The following THADA variants were observed in gnomAD, a reference collection of about 807,000 sequenced individuals.
THADA encodes the protein THADA armadillo repeat containing.
Under a neutral mutation model 219.8 loss-of-function variants are expected in THADA, and 213 were observed. The ratio of observed to expected loss-of-function variants is 0.97; its 90% CI spans 0.87 to 1.09. THADA has a LOEUF of 1.09. THADA is among the 50% of genes least tolerant of loss of function. THADA has a pLI of 0.00. For synonymous variants in THADA, 1,018 were observed against 828.9 expected (o/e 1.23, Z -3.92); for missense variants, 2,956 against 2,311.3 (o/e 1.28, Z -5.72).
chr2:43,437,412 C>A (rs972170407), intron 26 of THADA, among the ~76,000 whole-genome samples: 5 of 152,148 alleles, frequency 3.3e-5, no homozygotes, highest in African/African-American at 9.7e-5. Context: ...GGGATTTGTA[C>A]AAGTGATTGG....
intron 30 of THADA, among the ~76,000 whole-genome samples, chr2:43,322,755 G>C (rs1234345833): frequency 2.6e-5 from 3 of 115,290 alleles, no homozygotes; most frequent in African/African-American, 1.0e-4. Context: ...GTGCGATCTT[G>C]GCTCACTGCA....
intron 20 of THADA, among the ~76,000 whole-genome samples, chr2:43,547,914 G>A (rs540285029): frequency 6.6e-6 from 1 of 152,340 alleles, no homozygotes; most frequent in Non-Finnish European, 1.5e-5. Context: ...GTGAGGAGCT[G>A]CATTCCTTTG....
At chr2:43,430,347 G>C (rs1337277704) in intron 26 of THADA, 45 bp from the exon 27 acceptor site, 4 of 1,135,420 alleles carry the variant, frequency 3.5e-6, no homozygotes, top group East Asian at 2.6e-5. Context: ...TATTCCCTTT[G>C]ATCTGACAAT....
intron 28 of THADA, among the ~76,000 whole-genome samples, chr2:43,427,860 G>A (rs1473352015): frequency 2.0e-5 from 3 of 149,702 alleles, no homozygotes; most frequent in African/African-American, 7.3e-5. Context: ...GGAGGCTGAG[G>A]CAGAAGAATG....
At chr2:43,254,049 G>A (rs1176081735) in intron 36 of THADA, among the ~76,000 whole-genome samples, 1 of 151,890 alleles carries the variant, frequency 6.6e-6, no homozygotes, top group Non-Finnish European at 1.5e-5. Context: ...TCCAGGCATG[G>A]GTACCCGCTC....
chr2:43,308,839 G>C (rs1369701527), intron 31 of THADA, among the ~76,000 whole-genome samples: 1 of 142,180 alleles, frequency 7.0e-6, no homozygotes, highest in Non-Finnish European at 1.5e-5. Flanking sequence ...ATAGACTACA[G>C]ATCTAAATGT....
chr2:43,434,210 G>A lies in THADA; in HGVS notation c.3837-3908C>T, dbSNP rs150808913. ...AATACACGTATAAAACTTGATTTGT[G>A]TAAGAGCTAATACTGCAGATCACAG... is the stretch of plus-strand genomic sequence containing the variant. On this transcript the variant is annotated intron_variant, in intron 26 of 37. Transcript: ENST00000405975. Among the ~76,000 whole-genome samples, 9 of 152,344 alleles carry A rather than the reference G, an allele frequency of 5.9e-5. No individual in the cohort carries two copies. The East Asian group carries it at 1.7e-3, about 29-fold the overall frequency.
chr2:43,451,579 A>G (rs1682342610), intron 26 of THADA, among the ~76,000 whole-genome samples: 1 of 152,194 alleles, frequency 6.6e-6, no homozygotes, highest in Non-Finnish European at 1.5e-5. Flanking sequence ...AGGAGGCATT[A>G]GTAAATATTT....
chr2:43,552,025 C>T lies in THADA; in HGVS notation c.2811-100G>A, dbSNP rs554499079. On this transcript the variant is annotated intron_variant, in intron 18 of 37. Transcript: ENST00000405975. Reference sequence around the variant, plus strand: ...ATTGACTTTGTGTTTCAAAATTGTTCAATACATAAAACATGTGAGACATAA... The same window carrying T: ...ATTGACTTTGTGTTTCAAAATTGTTTAATACATAAAACATGTGAGACATAA... 3.2e-5 allele frequency: 49 copies of T among 1,555,058 alleles called. No individual in the cohort carries two copies. The East Asian group carries it at 1.0e-3, about 32-fold the overall frequency.
intron 29 of THADA, among the ~76,000 whole-genome samples, chr2:43,364,830 G>A (rs1011809748): frequency 1.2e-4 from 18 of 152,318 alleles, no homozygotes; most frequent in African/African-American, 3.6e-4. Context: ...AGCATGAGAT[G>A]AGGTTGGAGA....
intron 17 of THADA, among the ~76,000 whole-genome samples, chr2:43,554,535 G>C (rs898813695): frequency 6.6e-6 from 1 of 152,128 alleles, no homozygotes; most frequent in South Asian, 2.1e-4. Context: ...AAGGGGAAAA[G>C]TAAATGGCTT....
intron 30 of THADA, among the ~76,000 whole-genome samples, chr2:43,332,335 A>T (rs556948709): frequency 6.6e-6 from 1 of 152,318 alleles, no homozygotes; most frequent in East Asian, 1.9e-4. Flanking sequence ...CCCTACCCTG[A>T]CAAGCTGGCA....
intron 1 of THADA, chr2:43,595,655 T>G (rs1303455390): frequency 6.6e-6 from 1 of 152,388 alleles, no homozygotes; most frequent in Non-Finnish European, 1.5e-5. Context: ...ACTGCTTCCC[T>G]TTAGAACGCT....
chr2:43,564,877 T>C (rs1004202544), intron 15 of THADA: 9 of 152,128 alleles, frequency 5.9e-5, no homozygotes, highest in African/African-American at 2.2e-4. Flanking sequence ...TATCATAAAA[T>C]TAGAAACTTT....
At chr2:43,256,381 G>A (rs1343445038) in intron 36 of THADA, among the ~76,000 whole-genome samples, 2 of 151,636 alleles carry the variant, frequency 1.3e-5, no homozygotes, top group African/African-American at 2.4e-5. Flanking sequence ...GTTAGCATTT[G>A]GATTGGGGAT....
At chr2:43,422,642 C>T (rs1677860316) in intron 28 of THADA, among the ~76,000 whole-genome samples, 1 of 152,146 alleles carries the variant, frequency 6.6e-6, no homozygotes, top group African/African-American at 2.4e-5. Context: ...ATAATTTTGA[C>T]TTTTCTTTAA....
intron 36 of THADA, among the ~76,000 whole-genome samples, chr2:43,265,643 T>C (rs1426765972): frequency 6.6e-6 from 1 of 152,148 alleles, no homozygotes; most frequent in Non-Finnish European, 1.5e-5. Flanking sequence ...CAGGAGGAGC[T>C]GAATGAGAAG....
intron 26 of THADA, among the ~76,000 whole-genome samples, chr2:43,475,213 T>C (rs988563196): frequency 6.6e-6 from 1 of 152,000 alleles, no homozygotes; most frequent in African/African-American, 2.4e-5. Context: ...GCTCAGGAAT[T>C]TGAGACCAGC....
intron 34 of THADA, 85 bp from the exon 35 acceptor site, chr2:43,287,146 G>C: frequency 7.7e-7 from 1 of 1,303,630 alleles, no homozygotes; most frequent in Non-Finnish European, 1.1e-6. Context: ...CACCAAACTG[G>C]GCCTGTAGAT....
Sources: gnomAD v4.1 joint callset for allele counts (sites outside exome capture counted in the v4.1 genomes callset) on GRCh38, gnomAD v4.1.1 for gene constraint, MANE v1.5 for transcripts, NCBI Gene and HGNC (gene_info 2026-07-23, HGNC 2026-07-21) for gene names.